Variants in SEMA6D observed in about 807,000 individuals in gnomAD.
SEMA6D encodes semaphorin 6D, also known as semaphorin-6D.
Under a neutral mutation model 106.6 loss-of-function variants are expected in SEMA6D, and 35 were observed. The observed-to-expected ratio is 0.33, with a 90% CI of 0.25 to 0.44. The LOEUF (loss-of-function observed/expected upper bound fraction) is 0.44, where lower values mean the gene tolerates loss of function less well. SEMA6D is among the 20% of genes least tolerant of loss of function. SEMA6D has a pLI of 1.00. For missense variants in SEMA6D, 1,185 were observed against 1,345.9 expected, an observed-to-expected ratio of 0.88 and a Z score of 1.87; for synonymous variants, 499 against 487.7, an observed-to-expected ratio of 1.02 and a Z score of -0.31.
chr15:47,197,773 T>C lies in SEMA6D; in HGVS notation c.-239+13355T>C, dbSNP rs190210905. 3.4e-3 allele frequency among the ~76,000 whole-genome samples: 515 copies of C among 152,292 alleles called. 4 individuals carry two copies. The highest frequency in any genetic ancestry group is 0.012 in the African/African-American group (496 of 41,576). ...GAAATGACCTCTTGATATGGAGATC[T>C]GTATTCCCATGCCGTCATTAATTAT... is the stretch of plus-strand genomic sequence containing the variant. On this transcript the variant is annotated intron_variant, in intron 1 of 19. Transcript: ENST00000558014.
At chr15:47,226,796 GCCCTGTAGTCT>G (rs2141461862) in intron 1 of SEMA6D, among the ~76,000 whole-genome samples, 1 of 152,170 alleles carries the variant, frequency 6.6e-6, no homozygotes, top group South Asian at 2.1e-4. Context: ...TGTAGACTTT[GCCCTGTAGTCT>G]CCCTGTCTCT....
At position 47,346,442 on chromosome 15, in the gene SEMA6D, C is replaced by G. The variant is rs185153110; in HGVS notation, c.-238-65951C>G. On this transcript the variant is annotated intron_variant, in intron 1 of 19. Coordinates refer to the SEMA6D transcript ENST00000558014. ...GAAAACAAGAAGCTTAAATTTAATCCCTAAAACTTTTTCCATGACTGTCCT... is the reference window on the plus strand; with the variant it reads ...GAAAACAAGAAGCTTAAATTTAATCGCTAAAACTTTTTCCATGACTGTCCT... Among the ~76,000 whole-genome samples the G allele has an allele frequency of 1.2e-3, 182 of 152,042 alleles. 1 individual carries two copies. Among genetic ancestry groups the G allele is most frequent in the African/African-American group, 4.3e-3 (177 of 41,354 alleles).
intron 3 of SEMA6D, among the ~76,000 whole-genome samples, chr15:47,482,933 A>C (rs556961788): frequency 2.6e-4 from 39 of 152,306 alleles, no homozygotes; most frequent in African/African-American, 9.4e-4. Context: ...TATTCGGCAT[A>C]TGTTTGGCAG....
intron 1 of SEMA6D, among the ~76,000 whole-genome samples, chr15:47,329,496 G>A (rs1043899763): frequency 2.0e-5 from 3 of 152,272 alleles, no homozygotes; most frequent in South Asian, 4.1e-4. Context: ...AGCCAACAAA[G>A]TAATACTAAT....
intron 1 of SEMA6D, among the ~76,000 whole-genome samples, chr15:47,333,299 T>G (rs1270150662): frequency 6.6e-6 from 1 of 152,116 alleles, no homozygotes. Flanking sequence ...GAAGTGTATA[T>G]CATAATGTAA....
In SEMA6D at chr15:47,248,832, G is replaced by A. The variant is rs1202077490; in HGVS notation, c.-239+64414G>A. On this transcript the variant is annotated intron_variant, in intron 1 of 19. Coordinates refer to the SEMA6D transcript ENST00000558014. ...CACTTCTCTTGGAGCATTTTGGCTG[G>A]CTTTGGCTTTAGAACTGGGGAACCT... Among the ~76,000 whole-genome samples, 3 of 152,294 alleles carry A rather than the reference G, an allele frequency of 2.0e-5. No homozygotes were observed. In the East Asian group the frequency reaches 5.8e-4, roughly 29 times the overall value.
intron 3 of SEMA6D, among the ~76,000 whole-genome samples, chr15:47,553,312 C>T (rs748438057): frequency 1.3e-5 from 2 of 152,144 alleles, no homozygotes; most frequent in African/African-American, 4.8e-5. Flanking sequence ...CTCTAAAGAA[C>T]ATAAATGTTT....
At chr15:47,728,256 A>T (rs1287292725) in intron 1 of SEMA6D, among the ~76,000 whole-genome samples, 1 of 152,204 alleles carries the variant, frequency 6.6e-6, no homozygotes, top group East Asian at 1.9e-4. Context: ...GCACGATTAG[A>T]ATGAGCATTA....
In SEMA6D at chr15:47,529,603, TAAAA is replaced by T. The variant is rs67339779; in HGVS notation, c.-87+59072_-87+59075del. Among the ~76,000 whole-genome samples, 7 of 135,742 alleles carry T rather than the reference TAAAA, an allele frequency of 5.2e-5. No individual in the cohort carries two copies. In the South Asian group the frequency reaches 1.2e-3, roughly 24 times the overall value. The allele number at this position is 135,742 out of a possible 152,430, so 89.1% of individuals were successfully genotyped here. ...TTTTAGCTCTAAGTATCTGTAGCAC[TAAAA>T]AAAAAAAAAAAAACAAGTCATCTTC... On this transcript the variant is annotated intron_variant, in intron 3 of 19. Transcript: ENST00000558014.
chr15:47,185,158 C>T (rs948236961), intron 1 of SEMA6D, among the ~76,000 whole-genome samples: 2 of 152,120 alleles, frequency 1.3e-5, no homozygotes, highest in Non-Finnish European at 2.9e-5. Flanking sequence ...ACACAGACAC[C>T]GCTCACCGGG....
At chr15:47,256,777 T>C (rs2033826045) in intron 1 of SEMA6D, among the ~76,000 whole-genome samples, 1 of 152,064 alleles carries the variant, frequency 6.6e-6, no homozygotes, top group Non-Finnish European at 1.5e-5. Flanking sequence ...GAGAATCACT[T>C]GAACCCGGGA....
intron 1 of SEMA6D, among the ~76,000 whole-genome samples, chr15:47,195,968 A>C (rs1175871523): frequency 6.6e-6 from 1 of 151,448 alleles, no homozygotes; most frequent in Non-Finnish European, 1.5e-5. Flanking sequence ...GCCTTCACCC[A>C]CCACCACTGG....
At chr15:47,542,996 C>T (rs758151890) in intron 3 of SEMA6D, among the ~76,000 whole-genome samples, 31 of 152,126 alleles carry the variant, frequency 2.0e-4, no homozygotes, top group Non-Finnish European at 4.1e-4. Flanking sequence ...CCACAATGTC[C>T]TGCACATTTA....
intron 2 of SEMA6D, among the ~76,000 whole-genome samples, chr15:47,440,063 T>G (rs2041835542): frequency 6.6e-6 from 1 of 152,022 alleles, no homozygotes. Flanking sequence ...GAGTTGAACT[T>G]GGGAGAGCAA....
At chr15:47,241,832 C>A (rs1026519078) in intron 1 of SEMA6D, among the ~76,000 whole-genome samples, 9 of 152,092 alleles carry the variant, frequency 5.9e-5, no homozygotes, top group African/African-American at 1.9e-4. Context: ...TCTAAAAGAA[C>A]TTACCTAGCT....
At chr15:47,497,200 C>G (rs34890167) in intron 3 of SEMA6D, among the ~76,000 whole-genome samples, 1 of 151,764 alleles carries the variant, frequency 6.6e-6, no homozygotes, top group African/African-American at 2.4e-5. Flanking sequence ...TCTCTGTGTT[C>G]GATTCTATTT....
chr15:47,384,831 T>TTTG (rs2039770199), intron 1 of SEMA6D, among the ~76,000 whole-genome samples: 1 of 145,044 alleles, frequency 6.9e-6, no homozygotes, highest in Non-Finnish European at 1.5e-5. Flanking sequence ...TTTTTTTTTT[T>TTTG]TTTTTTTTTT....
At chr15:47,396,699 C>A (rs1380681863) in intron 1 of SEMA6D, 2 of 152,158 alleles carry the variant, frequency 1.3e-5, no homozygotes, top group African/African-American at 4.8e-5. Context: ...TCTGCAGCTC[C>A]CAGTCCACTG....
intron 1 of SEMA6D, among the ~76,000 whole-genome samples, chr15:47,736,466 C>T (rs1307248195): frequency 6.6e-6 from 1 of 152,168 alleles, no homozygotes; most frequent in Non-Finnish European, 1.5e-5. Context: ...AAAATATAAA[C>T]AAGTCATCTG....
Sources: allele counts gnomAD v4.1 joint callset (sites outside exome capture counted in the v4.1 genomes callset), GRCh38; gene constraint gnomAD v4.1.1; transcripts MANE v1.5; gene names NCBI Gene and HGNC (gene_info 2026-07-23, HGNC 2026-07-21).